The following DPYD variants were observed in gnomAD, a reference collection of about 807,000 sequenced individuals.
The protein encoded by DPYD is dihydropyrimidine dehydrogenase [NADP(+)].
In DPYD, 109 loss-of-function variants were observed where a neutral mutation model predicts 116.2. The ratio of observed to expected loss-of-function variants is 0.94; its 90% CI spans 0.80 to 1.10. The LOEUF (loss-of-function observed/expected upper bound fraction) is 1.10. Among genes scored for constraint, DPYD ranks in the 50% least tolerant of loss-of-function variants. DPYD has a pLI of 0.00. For synonymous variants in DPYD, 440 were observed against 432.0 expected (o/e 1.02, Z -0.23); for missense variants, 1,302 against 1,254.5 (o/e 1.04, Z -0.57).
intron 20 of DPYD, among the ~76,000 whole-genome samples, chr1:97,136,737 T>C (rs1653834102): frequency 6.6e-6 from 1 of 152,058 alleles, no homozygotes; most frequent in South Asian, 2.1e-4. Context: ...ACACTGTCAG[T>C]AAAAATAAGG....
intron 16 of DPYD, among the ~76,000 whole-genome samples, chr1:97,343,806 A>C (rs1220411574): frequency 6.6e-6 from 1 of 152,038 alleles, no homozygotes; most frequent in Non-Finnish European, 1.5e-5. Flanking sequence ...TACAATAAAT[A>C]GGTAGAAAAT....
intron 10 of DPYD, among the ~76,000 whole-genome samples, chr1:97,578,096 T>G (rs981768061): frequency 3.9e-5 from 6 of 152,084 alleles, no homozygotes; most frequent in Admixed American, 2.0e-4. Context: ...TCCGCCCACC[T>G]CAGCCTCCCA....
chr1:97,694,955 T>C (rs757479912), intron 6 of DPYD, among the ~76,000 whole-genome samples: 4 of 152,188 alleles, frequency 2.6e-5, no homozygotes, highest in Non-Finnish European at 5.9e-5. Flanking sequence ...TATTACCAAC[T>C]CTTTAATAAA....
intron 13 of DPYD, among the ~76,000 whole-genome samples, chr1:97,455,446 G>A (rs1032477325): frequency 6.6e-6 from 1 of 151,886 alleles, no homozygotes; most frequent in Non-Finnish European, 1.5e-5. Context: ...AAAATTAAAT[G>A]TACTTCATGA....
chr1:97,678,432 A>G (rs1557877818), intron 8 of DPYD, among the ~76,000 whole-genome samples: 1 of 152,102 alleles, frequency 6.6e-6, no homozygotes, highest in African/African-American at 2.4e-5. Context: ...CATAGTACAA[A>G]TCATATCAGA....
intron 13 of DPYD, among the ~76,000 whole-genome samples, chr1:97,488,237 G>C (rs1336625972): frequency 6.6e-6 from 1 of 152,090 alleles, no homozygotes; most frequent in Non-Finnish European, 1.5e-5. Context: ...GAAAATTTTA[G>C]AGATAGAGGA....
intron 18 of DPYD, among the ~76,000 whole-genome samples, chr1:97,289,066 C>G (rs533008383): frequency 1.3e-5 from 2 of 152,254 alleles, no homozygotes; most frequent in South Asian, 2.1e-4. Context: ...CACCTTTACA[C>G]AAATAAACTA....
intron 20 of DPYD, among the ~76,000 whole-genome samples, chr1:97,176,520 G>T (rs1393837190): frequency 6.6e-6 from 1 of 152,192 alleles, no homozygotes; most frequent in Non-Finnish European, 1.5e-5. Context: ...GAGTGACACG[G>T]TTTTTTGCCC....
At chr1:97,902,694 T>C (rs1673424671) in intron 1 of DPYD, among the ~76,000 whole-genome samples, 4 of 151,840 alleles carry the variant, frequency 2.6e-5, no homozygotes, top group Admixed American at 2.6e-4. Flanking sequence ...TGCTATATAA[T>C]AAGAGGTAAT....
At position 97,361,653 on chromosome 1, in the gene DPYD, C is replaced by T. The variant is rs183563691; in HGVS notation, c.2058+11908G>A. ...TGGCATGCCAGCCTGGTTCAACATA[C>T]GCAAATCAATAAATGTAATCCATCA... On this transcript the variant is annotated intron_variant, in intron 16 of 22. Coordinates refer to ENST00000370192, the MANE Select transcript of DPYD (RefSeq NM_000110.4). 3.2e-3 allele frequency among the ~76,000 whole-genome samples: 491 copies of T among 152,262 alleles called. 1 individual carries two copies. The highest frequency in any genetic ancestry group is 4.2e-3 in the African/African-American group (173 of 41,558).
At chr1:97,833,425 G>A (rs911076364) in intron 2 of DPYD, among the ~76,000 whole-genome samples, 1 of 152,132 alleles carries the variant, frequency 6.6e-6, no homozygotes, top group African/African-American at 2.4e-5. Context: ...TGGAACAAGA[G>A]ATGACTATGA....
rs76510184 is a variant in DPYD, at chr1:97,884,297, T to C, written c.40-923A>G. Among the ~76,000 whole-genome samples, 45 of 152,126 alleles carry C rather than the reference T, an allele frequency of 3.0e-4. No individual in the cohort carries two copies. The East Asian group carries it at 6.0e-3, about 20-fold the overall frequency. On this transcript the variant is annotated intron_variant, in intron 1 of 22. Coordinates refer to ENST00000370192, the MANE Select transcript of DPYD (RefSeq NM_000110.4). ...TTTCACCAGAGAGGAGGAAACATGG[T>C]AGTAGCACATGCTTCTGTCTAACCA... is the stretch of plus-strand genomic sequence containing the variant.
At chr1:97,604,405 A>G (rs1571043906) in intron 8 of DPYD, among the ~76,000 whole-genome samples, 1 of 152,078 alleles carries the variant, frequency 6.6e-6, no homozygotes, top group Non-Finnish European at 1.5e-5. Context: ...CAAACATAGA[A>G]ATTTGTCGTG....
intron 16 of DPYD, among the ~76,000 whole-genome samples, chr1:97,348,248 CCTTTT>C (rs1558046124): frequency 6.6e-6 from 1 of 152,104 alleles, no homozygotes; most frequent in Non-Finnish European, 1.5e-5. Flanking sequence ...ACAGTTCTTT[CCTTTT>C]GTTTCATGTT....
Position 97,872,912 on chromosome 1 carries a change from C to G in DPYD, c.150+10352G>C, listed in dbSNP as rs1046581344. ...ATCCCTTAACTTCAATCAGTATGCT[C>G]CCCCATCTTCGGACTTTCAGATACA... On this transcript the variant is annotated intron_variant, in intron 2 of 22. Transcript: ENST00000370192. 3.9e-5 allele frequency among the ~76,000 whole-genome samples: 6 copies of G among 151,954 alleles called. No homozygotes were observed. In the South Asian group the frequency reaches 1.2e-3, roughly 31 times the overall value.
intron 13 of DPYD, among the ~76,000 whole-genome samples, chr1:97,472,398 T>A (rs959488693): frequency 1.3e-5 from 2 of 152,212 alleles, no homozygotes; most frequent in African/African-American, 4.8e-5. Flanking sequence ...TTTTGATAGG[T>A]TCAGAGGCAA....
intron 14 of DPYD, among the ~76,000 whole-genome samples, chr1:97,411,410 A>G (rs886406541): frequency 6.6e-6 from 1 of 151,928 alleles, no homozygotes. Flanking sequence ...CCTCATCTCT[A>G]TAAGATCTTT....
intron 19 of DPYD, among the ~76,000 whole-genome samples, chr1:97,202,441 T>C (rs1659273779): frequency 6.6e-6 from 1 of 152,178 alleles, no homozygotes; most frequent in Non-Finnish European, 1.5e-5. Context: ...CATTCTTTAA[T>C]TAATTTCTTA....
intron 14 of DPYD, among the ~76,000 whole-genome samples, chr1:97,410,762 T>C (rs1012911727): frequency 6.6e-5 from 10 of 152,274 alleles, no homozygotes; most frequent in African/African-American, 2.4e-4. Flanking sequence ...AAAATTATTT[T>C]TAGATTTAAC....
Sources: allele counts gnomAD v4.1 joint callset (sites outside exome capture counted in the v4.1 genomes callset), GRCh38; gene constraint gnomAD v4.1.1; transcripts MANE v1.5; gene names NCBI Gene and HGNC (gene_info 2026-07-23, HGNC 2026-07-21).